MPRIP: variants seen among roughly 807,000 people sequenced by gnomAD.
MPRIP encodes the protein myosin phosphatase Rho-interacting protein.
Under a neutral mutation model 234.9 loss-of-function variants are expected in MPRIP, and 59 were observed. The observed-to-expected ratio is 0.25, with a 90% CI of 0.20 to 0.31. The LOEUF (loss-of-function observed/expected upper bound fraction) is 0.31. Ranked by LOEUF, MPRIP falls within the 10% of genes least tolerant of loss-of-function variation. The probability of loss-of-function intolerance (pLI) is 1.00; values close to 1 mark genes in which losing one functional copy is unlikely to be tolerated. For synonymous variants in MPRIP, 1,144 were observed against 1,263.9 expected, an observed-to-expected ratio of 0.91 and a Z score of 2.01; for missense variants, 2,436 against 3,071.0, an observed-to-expected ratio of 0.79 and a Z score of 4.89.
intron 18 of MPRIP, among the ~76,000 whole-genome samples, chr17:17,173,502 T>TC (rs1396769360): frequency 1.3e-5 from 2 of 152,204 alleles, no homozygotes; most frequent in African/African-American, 4.8e-5. Flanking sequence ...CCCTCCTGGA[T>TC]CCAGGGTGGC....
chr17:17,163,965 A>G (rs1306675821), intron 15 of MPRIP, 144 bp from the exon 16 acceptor site: 4 of 429,198 alleles, frequency 9.3e-6, no homozygotes, highest in African/African-American at 2.1e-5. Flanking sequence ...GGATTTTTTT[A>G]ATGGGAAAAA....
intron 12 of MPRIP, among the ~76,000 whole-genome samples, chr17:17,153,935 C>G (rs2144571823): frequency 6.6e-6 from 1 of 152,272 alleles, no homozygotes; most frequent in South Asian, 2.1e-4. Context: ...CACCACTGCT[C>G]AGCACATGCT....
chr17:17,159,077 C>T, intron 14 of MPRIP, 75 bp downstream of exon 14: 1 of 1,466,032 alleles, frequency 6.8e-7, no homozygotes, highest in Non-Finnish European at 9.2e-7. Context: ...CAGCTGTGGC[C>T]TGAGGGGTTC....
intron 1 of MPRIP, among the ~76,000 whole-genome samples, chr17:17,073,764 C>T (rs569663727): frequency 6.6e-6 from 1 of 152,304 alleles, no homozygotes; most frequent in Admixed American, 6.5e-5. Context: ...TTGAGGTTTG[C>T]TGGGCACAGC....
At chr17:17,124,174 G>A (rs1400554481) in intron 3 of MPRIP, among the ~76,000 whole-genome samples, 1 of 152,182 alleles carries the variant, frequency 6.6e-6, no homozygotes, top group Non-Finnish European at 1.5e-5. Context: ...ACACAACCAC[G>A]TTCAGCAGCA....
At chr17:17,162,303 C>T (rs562758435) in intron 15 of MPRIP, among the ~76,000 whole-genome samples, 15 of 152,344 alleles carry the variant, frequency 9.8e-5, no homozygotes, top group African/African-American at 3.4e-4. Context: ...GCCCTTCCGG[C>T]TCTTAGACCC....
At position 17,165,134 on chromosome 17, in the gene MPRIP, G is replaced by A. The variant is rs1443424362; in HGVS notation, c.3543G>A (p.Leu1181=). ...TTAAGGAAGCACATGAGAAGGTTCT[G>A]GAGAAGAAGGAGCAGGACCTCAATG... ...ERIKEAHEKV[L]EKKEQDLNEA... The change falls in exon 16 of 24, where the codon CTG becomes CTA. Residue 1181 remains leucine, a synonymous_variant. Transcript: ENST00000651222. The A allele has an allele frequency of 7.7e-7, 1 of 1,304,232 alleles. No homozygotes were observed. The highest frequency in any genetic ancestry group is 1.0e-6 in the Non-Finnish European group (1 of 988,978). The allele number at this position is 1,304,232 out of a possible 1,614,324, so 80.8% of individuals were successfully genotyped here. A position where few individuals can be genotyped will look rare whatever the true frequency, so the allele number is the denominator to read the frequency against.
At position 17,167,733 on chromosome 17, in the gene MPRIP, G is replaced by A; in HGVS notation, c.6142G>A (p.Ala2048Thr). ...HQGPHPKALPAPAPNWQATQG... is the reference protein window; with the variant it reads ...HQGPHPKALPTPAPNWQATQG... ...GGGGCCACACCCCAAGGCCCTGCCA[G>A]CCCCTGCCCCCAACTGGCAGGCCAC... The change falls in exon 16 of 24, where the codon GCC becomes ACC. Residue 2048 changes from alanine (A) to threonine (T), a missense_variant. Ala to Thr is a moderately conservative substitution (Grantham distance 58). Coordinates refer to ENST00000651222, the MANE Select transcript of MPRIP (RefSeq NM_001364716.4). This position sits in a 1 kb window ranked among gnomAD's most constrained non-coding sequence, Gnocchi z 5.9. The A allele has an allele frequency of 7.7e-7, 1 of 1,304,186 alleles. No homozygotes were observed. Among genetic ancestry groups the A allele is most frequent in the African/African-American group, 1.5e-5 (1 of 65,986 alleles). The allele number at this position is 1,304,186 out of a possible 1,614,324, so 80.8% of individuals were successfully genotyped here. A position where few individuals can be genotyped will look rare whatever the true frequency, so the allele number is the denominator to read the frequency against.
chr17:17,144,104 A>G (rs1460050030), intron 9 of MPRIP, among the ~76,000 whole-genome samples: 1 of 152,182 alleles, frequency 6.6e-6, no homozygotes, highest in Non-Finnish European at 1.5e-5. Flanking sequence ...CAGGTTCTCC[A>G]TGGGCCTCAG....
chr17:17,157,543 CAT>C (rs2045755883), intron 13 of MPRIP, among the ~76,000 whole-genome samples: 1 of 152,184 alleles, frequency 6.6e-6, no homozygotes, highest in African/African-American at 2.4e-5. Flanking sequence ...GCTTTTAAAA[CAT>C]AGATTCAGGC....
chr17:17,174,156 T>G, intron 19 of MPRIP, 81 bp downstream of exon 19: 2 of 1,497,900 alleles, frequency 1.3e-6, no homozygotes, highest in Non-Finnish European at 9.1e-7. Flanking sequence ...GAGTCCACAC[T>G]GGAGCTGGAG....
rs74255328 is a variant in MPRIP, at chr17:17,069,618, C to T, written c.124-6092C>T. Among the ~76,000 whole-genome samples, 44 of 150,212 alleles carry T rather than the reference C, an allele frequency of 2.9e-4. No homozygotes were observed. In the East Asian group the frequency reaches 5.7e-3, roughly 19 times the overall value. On this transcript the variant is annotated intron_variant, in intron 1 of 23. Coordinates refer to ENST00000651222, the MANE Select transcript of MPRIP (RefSeq NM_001364716.4). The stretch of plus-strand genomic sequence containing the variant: ...TTTTACTGGTTATAATAAGACGTGA[C>T]TTTATATAGACATAACTTGTCACAG...
At chr17:17,144,821 A>C (rs906678183) in intron 9 of MPRIP, among the ~76,000 whole-genome samples, 2 of 152,088 alleles carry the variant, frequency 1.3e-5, no homozygotes, top group Non-Finnish European at 2.9e-5. Flanking sequence ...GCGCCACTGC[A>C]CTCCGGCCTG....
chr17:17,123,250 A>G lies in MPRIP; in HGVS notation c.268-3452A>G, dbSNP rs564199288. On this transcript the variant is annotated intron_variant, in intron 3 of 23. Transcript: ENST00000651222. ...ACTGCGAATGGCTTTTCAGGGGGAG[A>G]TGGAAATGTTCTGCACTTGATTGCA... Among the ~76,000 whole-genome samples, 26 of 152,298 alleles carry G rather than the reference A, an allele frequency of 1.7e-4. No homozygotes were observed. The South Asian group carries it at 5.4e-3, about 32-fold the overall frequency.
At chr17:17,067,194 T>G (rs567623700) in intron 1 of MPRIP, among the ~76,000 whole-genome samples, 1 of 152,366 alleles carries the variant, frequency 6.6e-6, no homozygotes, top group Admixed American at 6.5e-5. Flanking sequence ...TTATTCTTAC[T>G]GTACATCTTA....
In MPRIP at chr17:17,158,815, C is replaced by G. The variant is rs146616345; in HGVS notation, c.2213C>G (p.Pro738Arg). ...CTGCGCATGGAGGTGGACCGGAGCC[C>G]AGGGCTGCCTATGAGCGACCTCAAA... ...AALRMEVDRS[P>R]GLPMSDLKTH... Residue 738 changes from proline (P) to arginine (R), a missense_variant, in exon 14 of 24, where the codon CCA becomes CGA. Physicochemically the swap from Pro to Arg is moderately radical, Grantham distance 103. Coordinates refer to ENST00000651222, the MANE Select transcript of MPRIP (RefSeq NM_001364716.4). 3.1e-6 allele frequency: 5 copies of G among 1,611,654 alleles called. No individual in the cohort carries two copies. Among genetic ancestry groups the G allele is most frequent in the Non-Finnish European group, 4.2e-6 (5 of 1,179,920 alleles).
At chr17:17,148,448 T>C (rs1336617546) in intron 11 of MPRIP, among the ~76,000 whole-genome samples, 2 of 152,232 alleles carry the variant, frequency 1.3e-5, no homozygotes, top group Non-Finnish European at 2.9e-5. Context: ...CACAGCCCCA[T>C]CTGTAGCAAC....
At chr17:17,089,046 C>T (rs2089655639) in intron 3 of MPRIP, among the ~76,000 whole-genome samples, 1 of 152,214 alleles carries the variant, frequency 6.6e-6, no homozygotes, top group South Asian at 2.1e-4. Context: ...CAGTCACTTG[C>T]AAACACCTGC....
At chr17:17,128,541 T>C (rs1436797546) in intron 4 of MPRIP, among the ~76,000 whole-genome samples, 2 of 152,118 alleles carry the variant, frequency 1.3e-5, no homozygotes, top group African/African-American at 2.4e-5. Flanking sequence ...GTAGACAAGA[T>C]CGTTAATGGA....
Sources: gnomAD v4.1 joint callset for allele counts (sites outside exome capture counted in the v4.1 genomes callset) on GRCh38, gnomAD v4.1.1 for gene constraint, Gnocchi (gnomAD v3.1) non-coding constraint, MANE v1.5 for transcripts, NCBI Gene and HGNC (gene_info 2026-07-23, HGNC 2026-07-21) for gene names.